PAPPA: variants seen among roughly 807,000 people sequenced by gnomAD.
PAPPA encodes the protein pappalysin 1.
Under a neutral mutation model 164.0 loss-of-function variants are expected in PAPPA, and 60 were observed. That is an observed-to-expected ratio of 0.37 (90% CI 0.30 to 0.45). The LOEUF (loss-of-function observed/expected upper bound fraction) is 0.45. PAPPA is among the 20% of genes least tolerant of loss of function. The pLI, the probability that PAPPA is intolerant of heterozygous loss-of-function variation, is 1.00. For missense variants in PAPPA, 1,782 were observed against 2,087.3 expected, an observed-to-expected ratio of 0.85 and a Z score of 2.85; for synonymous variants, 875 against 814.1, an observed-to-expected ratio of 1.07 and a Z score of -1.27.
At chr9:116,167,417 T>C (rs1208668828) in intron 1 of PAPPA, among the ~76,000 whole-genome samples, 2 of 152,246 alleles carry the variant, frequency 1.3e-5, no homozygotes, top group South Asian at 2.1e-4. Context: ...ATATTTTCAA[T>C]CTGAATTTGG....
intron 6 of PAPPA, among the ~76,000 whole-genome samples, chr9:116,233,629 C>T (rs1055822564): frequency 1.3e-5 from 2 of 152,114 alleles, no homozygotes; most frequent in African/African-American, 4.8e-5. Flanking sequence ...CTTCTCTTTT[C>T]CTCTTCTCTT....
rs149655034 is a variant in PAPPA, at chr9:116,188,101, G to C, written c.1363G>C (p.Gly455Arg). The change falls in exon 2 of 22, where the codon GGG (glycine) becomes CGG (arginine). Residue 455 changes from glycine to arginine, a missense_variant. This residue lies in a region of PAPPA where 1,324 missense variants were observed against 1,656.9 expected (regional missense o/e 0.80). Transcript: ENST00000328252. ...TGCCTTCGTGAAGAAGCAGCACAAC[G>C]GGGTGTGTGACATGGACTGCAACTA... ...HPAFVKKQHN[G>R]VCDMDCNYER... 6.2e-7 allele frequency: 1 copy of C among 1,614,206 alleles called. No individual in the cohort carries two copies. The highest frequency in any genetic ancestry group is 8.5e-7 in the Non-Finnish European group (1 of 1,180,018).
chr9:116,211,732 T>C lies in PAPPA; in HGVS notation c.1718T>C (p.Val573Ala). 4 of 1,614,048 alleles carry C rather than the reference T, an allele frequency of 2.5e-6. No homozygotes were observed. Among genetic ancestry groups the C allele is most frequent in the Non-Finnish European group, 3.4e-6 (4 of 1,179,960 alleles). The change falls in exon 4 of 22, where the codon GTC becomes GCC. Residue 573 changes from valine (V) to alanine (A), a missense_variant. Physicochemically the swap from Val to Ala is moderately conservative, Grantham distance 64. Coordinates refer to ENST00000328252, the MANE Select transcript of PAPPA (RefSeq NM_002581.5). ...GGTCACAGCCTGGGCCTCTATCACG[T>C]CTTCCGAGGCATCTCAGAAATCCAG... ...EIGHSLGLYH[V>A]FRGISEIQSC... is the part of the protein sequence containing the mutation.
At position 116,154,160 on chromosome 9, in the gene PAPPA, G is replaced by A; in HGVS notation, c.-13G>A. 2.8e-6 allele frequency: 4 copies of A among 1,439,730 alleles called. No individual in the cohort carries two copies. The highest frequency in any genetic ancestry group is 1.2e-5 in the South Asian group (1 of 82,054). 89.2% of individuals were successfully genotyped at this position (1,439,730 alleles called of 1,614,324 possible). On this transcript the variant is annotated 5_prime_UTR_variant, in exon 1 of 22. Coordinates refer to ENST00000328252, the MANE Select transcript of PAPPA (RefSeq NM_002581.5). The surrounding 1 kb of genome is among the most constrained non-coding windows in gnomAD (Gnocchi z 5.2). ...GTGCAGGGGCGAAGGGGGGGCGGGGGGAACCGTCGGACATGCGGCTCTGGA... is the reference window on the plus strand; with the variant it reads ...GTGCAGGGGCGAAGGGGGGGCGGGGAGAACCGTCGGACATGCGGCTCTGGA...
chr9:116,189,274 C>G (rs1006832313), intron 2 of PAPPA, among the ~76,000 whole-genome samples: 4 of 152,130 alleles, frequency 2.6e-5, no homozygotes, highest in South Asian at 2.1e-4. Flanking sequence ...ATTTTAAATA[C>G]TTTTGGCACA....
chr9:116,233,397 A>C (rs1353846634), intron 6 of PAPPA, among the ~76,000 whole-genome samples: 1 of 152,198 alleles, frequency 6.6e-6, no homozygotes, highest in African/African-American at 2.4e-5. Flanking sequence ...AAAGTCAGGA[A>C]CTCAGTGTGT....
chr9:116,381,583 G>T (rs1470315819), intron 20 of PAPPA, among the ~76,000 whole-genome samples: 1 of 152,080 alleles, frequency 6.6e-6, no homozygotes, highest in Non-Finnish European at 1.5e-5. Flanking sequence ...CTTCATCTTG[G>T]GAGTGTCCTG....
chr9:116,380,318 A>G (rs1846714506), intron 20 of PAPPA, among the ~76,000 whole-genome samples: 1 of 152,204 alleles, frequency 6.6e-6, no homozygotes, highest in Non-Finnish European at 1.5e-5. Context: ...GGATGGACGG[A>G]TGGATGGATA....
At chr9:116,261,562 C>A (rs989704971) in intron 7 of PAPPA, among the ~76,000 whole-genome samples, 1 of 152,108 alleles carries the variant, frequency 6.6e-6, no homozygotes, top group Non-Finnish European at 1.5e-5. Context: ...TTTTAATTGA[C>A]CTATCATATT....
chr9:116,278,739 C>T (rs7874262), intron 9 of PAPPA, among the ~76,000 whole-genome samples: 27,168 of 151,882 alleles, frequency 0.18, 2,917 homozygotes, highest in African/African-American at 0.28. Context: ...GTTCAAATGT[C>T]TATTGGTTGC....
chr9:116,212,901 C>T (rs1455044978), intron 4 of PAPPA, among the ~76,000 whole-genome samples: 2 of 152,204 alleles, frequency 1.3e-5, no homozygotes, highest in Non-Finnish European at 1.5e-5. Context: ...ATTTAATTCT[C>T]ACAACAAATG....
intron 21 of PAPPA, among the ~76,000 whole-genome samples, chr9:116,391,575 G>A (rs1846894018): frequency 6.6e-6 from 1 of 152,234 alleles, no homozygotes; most frequent in Non-Finnish European, 1.5e-5. Context: ...ATAGTTGCCT[G>A]AGCTGCATTC....
intron 10 of PAPPA, among the ~76,000 whole-genome samples, chr9:116,311,465 A>G (rs1311211718): frequency 6.6e-6 from 1 of 152,238 alleles, no homozygotes; most frequent in Non-Finnish European, 1.5e-5. Flanking sequence ...GAACCTGAAT[A>G]AAGTGACAGG....
intron 10 of PAPPA, among the ~76,000 whole-genome samples, chr9:116,309,683 A>G (rs1257299297): frequency 6.6e-6 from 1 of 152,048 alleles, no homozygotes; most frequent in East Asian, 1.9e-4. Flanking sequence ...TGCGAGGGGT[A>G]TATCCAAAAA....
At chr9:116,344,025 G>A (rs528335985) in intron 13 of PAPPA, among the ~76,000 whole-genome samples, 96 of 152,048 alleles carry the variant, frequency 6.3e-4, no homozygotes, top group Admixed American at 5.2e-3. Context: ...CTCAGGCTCC[G>A]AAAGTGCTGG....
At chr9:116,180,802 G>T (rs1843896010) in intron 1 of PAPPA, among the ~76,000 whole-genome samples, 1 of 152,164 alleles carries the variant, frequency 6.6e-6, no homozygotes, top group Non-Finnish European at 1.5e-5. Context: ...CATAGCTAGA[G>T]TCCCCCTCAG....
chr9:116,231,075 G>GTATA (rs3838263), intron 6 of PAPPA, among the ~76,000 whole-genome samples: 57 of 150,580 alleles, frequency 3.8e-4, no homozygotes, highest in Admixed American at 4.0e-4. Flanking sequence ...CAGCTGCAGT[G>GTATA]TATATATATA....
At chr9:116,288,600 A>G (rs1281610710) in intron 9 of PAPPA, 1 of 152,016 alleles carries the variant, frequency 6.6e-6, no homozygotes, top group East Asian at 1.9e-4. Flanking sequence ...GAACATATAG[A>G]TTTAAGTTAT....
intron 10 of PAPPA, among the ~76,000 whole-genome samples, chr9:116,304,592 G>A (rs979888325): frequency 6.6e-6 from 1 of 152,168 alleles, no homozygotes; most frequent in Admixed American, 6.5e-5. Context: ...AAATGTTATT[G>A]CGACTAATGT....
Sources: gnomAD v4.1 joint callset for allele counts (sites outside exome capture counted in the v4.1 genomes callset) on GRCh38, gnomAD v4.1.1 for gene constraint, gnomAD v4.1.1 regional missense constraint, Gnocchi (gnomAD v3.1) non-coding constraint, MANE v1.5 for transcripts, NCBI Gene and HGNC (gene_info 2026-07-23, HGNC 2026-07-21) for gene names.